Variants in LDB2 observed in about 807,000 individuals in gnomAD.
LDB2 encodes the protein LIM domain binding 2, also known as LIM domain-binding protein 2.
In LDB2, 12 loss-of-function variants were observed where a neutral mutation model predicts 44.3. The observed-to-expected ratio is 0.27, with a 90% CI of 0.17 to 0.44. The LOEUF (loss-of-function observed/expected upper bound fraction) is 0.44. Ranked by LOEUF, LDB2 falls within the 20% of genes least tolerant of loss-of-function variation. The pLI, the probability that LDB2 is intolerant of heterozygous loss-of-function variation, is 1.00. For synonymous variants in LDB2, 164 were observed against 174.8 expected, an observed-to-expected ratio of 0.94 and a Z score of 0.49; for missense variants, 344 against 473.5, an observed-to-expected ratio of 0.73 and a Z score of 2.54.
At chr4:16,675,760 A>G (rs547368964) in intron 2 of LDB2, among the ~76,000 whole-genome samples, 1 of 152,352 alleles carries the variant, frequency 6.6e-6, no homozygotes, top group South Asian at 2.1e-4. Flanking sequence ...ATTAGCTTTA[A>G]TGATCTATCA....
At chr4:16,733,134 G>T (rs187229454) in intron 2 of LDB2, among the ~76,000 whole-genome samples, 1 of 152,300 alleles carries the variant, frequency 6.6e-6, no homozygotes, top group Non-Finnish European at 1.5e-5. Context: ...TAAGTGTTCA[G>T]ATCAAATAGC....
chr4:16,509,776 G>A (rs988709438), intron 6 of LDB2, among the ~76,000 whole-genome samples: 3 of 152,084 alleles, frequency 2.0e-5, no homozygotes, highest in Admixed American at 2.0e-4. Flanking sequence ...AGGCAACTCA[G>A]GGCTACACTG....
At chr4:16,777,238 T>C (rs1772127445) in intron 1 of LDB2, among the ~76,000 whole-genome samples, 1 of 152,084 alleles carries the variant, frequency 6.6e-6, no homozygotes, top group Non-Finnish European at 1.5e-5. Context: ...CTGGGATGAA[T>C]GACGTGAGGG....
chr4:16,631,186 A>G (rs1317807532), intron 2 of LDB2, among the ~76,000 whole-genome samples: 1 of 152,204 alleles, frequency 6.6e-6, no homozygotes, highest in African/African-American at 2.4e-5. Context: ...AATTGGAAAT[A>G]AAACACTCCT....
At chr4:16,513,714 A>T (rs1398816126) in intron 5 of LDB2, among the ~76,000 whole-genome samples, 2 of 152,322 alleles carry the variant, frequency 1.3e-5, no homozygotes, top group East Asian at 3.9e-4. Flanking sequence ...TGGGGCTCAG[A>T]AAATGATACC....
intron 2 of LDB2, chr4:16,674,082 G>A (rs749888426): frequency 6.2e-5 from 26 of 417,338 alleles, no homozygotes; most frequent in South Asian, 1.5e-4. Context: ...ATACGTTAAC[G>A]CAACTGAAGC....
chr4:16,833,772 A>G (rs563210708), intron 1 of LDB2, among the ~76,000 whole-genome samples: 19 of 152,044 alleles, frequency 1.2e-4, no homozygotes, highest in African/African-American at 4.6e-4. Flanking sequence ...CGATCTCTTG[A>G]CCTTGTGATC....
chr4:16,548,554 T>TTGA (rs1577586486), intron 5 of LDB2, among the ~76,000 whole-genome samples: 1 of 152,192 alleles, frequency 6.6e-6, no homozygotes, highest in East Asian at 1.9e-4. Context: ...GTTTTATTCC[T>TTGA]ATATGTACCT....
chr4:16,632,086 T>A (rs1732117131), intron 2 of LDB2, among the ~76,000 whole-genome samples: 1 of 152,210 alleles, frequency 6.6e-6, no homozygotes, highest in African/African-American at 2.4e-5. Flanking sequence ...ACTCATTTTA[T>A]GAGGCCAGCA....
intron 2 of LDB2, among the ~76,000 whole-genome samples, chr4:16,658,281 G>A (rs752118097): frequency 3.9e-5 from 6 of 152,106 alleles, no homozygotes; most frequent in African/African-American, 7.2e-5. Flanking sequence ...TGAAATCATC[G>A]CTTACAATAA....
rs761763666 is a variant in LDB2, at chr4:16,766,364, T to A, written c.133-7104A>T. On this transcript the variant is annotated intron_variant, in intron 1 of 7. Coordinates refer to ENST00000304523, the MANE Select transcript of LDB2 (RefSeq NM_001290.5). ...ATTTAACATTGTGTTTGAAGACCTA[T>A]CCAATTTATATATACACATATATAT... Among the ~76,000 whole-genome samples the A allele has an allele frequency of 1.6e-4, 25 of 151,678 alleles. 1 individual carries two copies. Among genetic ancestry groups the A allele is most frequent in the African/African-American group, 2.4e-5 (1 of 41,244 alleles).
At chr4:16,867,066 C>G (rs553852630) in intron 1 of LDB2, among the ~76,000 whole-genome samples, 1 of 152,166 alleles carries the variant, frequency 6.6e-6, no homozygotes, top group Non-Finnish European at 1.5e-5. Flanking sequence ...TCTGGCACAG[C>G]GTCTCTCAGA....
intron 1 of LDB2, among the ~76,000 whole-genome samples, chr4:16,794,963 CAGTG>C (rs1273876278): frequency 6.6e-6 from 1 of 152,206 alleles, no homozygotes; most frequent in East Asian, 1.9e-4. Context: ...GGAAATTAAA[CAGTG>C]AGCGAAAATC....
chr4:16,763,453 C>CACAT (rs1170371399), intron 1 of LDB2, among the ~76,000 whole-genome samples: 2 of 151,562 alleles, frequency 1.3e-5, no homozygotes, highest in African/African-American at 4.9e-5. Flanking sequence ...CACACACACA[C>CACAT]ACACACACAC....
intron 2 of LDB2, among the ~76,000 whole-genome samples, chr4:16,648,737 C>T (rs1036637198): frequency 1.3e-5 from 2 of 151,984 alleles, no homozygotes; most frequent in African/African-American, 4.8e-5. Flanking sequence ...CTTTTTTTTG[C>T]TCCCTTAAAA....
chr4:16,859,534 T>G (rs1476166316), intron 1 of LDB2, among the ~76,000 whole-genome samples: 1 of 152,232 alleles, frequency 6.6e-6, no homozygotes, highest in Non-Finnish European at 1.5e-5. Flanking sequence ...ATCAGCATCT[T>G]GAGACCTGCT....
intron 1 of LDB2, among the ~76,000 whole-genome samples, chr4:16,779,967 G>A (rs77337609): frequency 0.011 from 1,701 of 151,970 alleles, 38 homozygotes; most frequent in African/African-American, 0.039. Flanking sequence ...TGAAAATATG[G>A]CAGCATCTCT....
intron 1 of LDB2, among the ~76,000 whole-genome samples, chr4:16,829,719 T>C (rs1783722059): frequency 6.6e-6 from 1 of 152,162 alleles, no homozygotes; most frequent in Non-Finnish European, 1.5e-5. Flanking sequence ...AATAAATGAC[T>C]TAGGAATTTT....
At chr4:16,736,866 C>T (rs551506900) in intron 2 of LDB2, among the ~76,000 whole-genome samples, 13 of 152,094 alleles carry the variant, frequency 8.5e-5, no homozygotes, top group South Asian at 2.1e-4. Context: ...TTTTAAAACC[C>T]GAACCAGAAA....
Sources: gnomAD v4.1 joint callset for allele counts (sites outside exome capture counted in the v4.1 genomes callset) on GRCh38, gnomAD v4.1.1 for gene constraint, MANE v1.5 for transcripts, NCBI Gene and HGNC (gene_info 2026-07-23, HGNC 2026-07-21) for gene names.